Variants in DMBT1 observed in about 807,000 individuals in gnomAD.
The protein encoded by DMBT1 is deleted in malignant brain tumors 1, also known as scavenger receptor cysteine-rich domain-containing protein DMBT1.
DMBT1 carries 198 observed loss-of-function variants against 252.9 expected under a neutral mutation model. That is an observed-to-expected ratio of 0.78 (90% CI 0.70 to 0.88). The LOEUF (loss-of-function observed/expected upper bound fraction) is 0.88, where lower values mean the gene tolerates loss of function less well. DMBT1 is among the 40% of genes least tolerant of loss of function. The probability of loss-of-function intolerance (pLI) is 0.00; values close to 1 mark genes in which losing one functional copy is unlikely to be tolerated. For synonymous variants in DMBT1, 990 were observed against 942.7 expected (o/e 1.05, Z -0.92); for missense variants, 2,432 against 2,404.7 (o/e 1.01, Z -0.24).
At chr10:122,579,386 A>T (rs1489620456) in intron 9 of DMBT1, among the ~76,000 whole-genome samples, 192 bp from the exon 10 acceptor site, 1 of 152,154 alleles carries the variant, frequency 6.6e-6, no homozygotes, top group African/African-American at 2.4e-5. Flanking sequence ...AAAGTTGAGC[A>T]TCCATAGACC....
In DMBT1 at chr10:122,591,436, C is replaced by T. The variant is rs769760485; in HGVS notation, c.2138-43C>T. The T allele has an allele frequency of 4.5e-6, 7 of 1,562,338 alleles. No individual in the cohort carries two copies. The Admixed American group carries it at 6.7e-5, about 15-fold the overall frequency. ...GACCTTTCCTTTTGGAGCTTTTCTC[C>T]CTCAACTTTAATTCTAGCCTTTGTC... On this transcript the variant is annotated intron_variant, in intron 18 of 55. Transcript: ENST00000338354.
intron 46 of DMBT1, among the ~76,000 whole-genome samples, chr10:122,629,204 A>ATACATATC (rs1475381009): frequency 6.6e-6 from 1 of 152,192 alleles, no homozygotes; most frequent in East Asian, 1.9e-4. Flanking sequence ...ATGTTCATAT[A>ATACATATC]TACATATCTT....
At chr10:122,639,809 GA>G (rs1469284708) in intron 54 of DMBT1, among the ~76,000 whole-genome samples, 1 of 152,224 alleles carries the variant, frequency 6.6e-6, no homozygotes, top group African/African-American at 2.4e-5. Flanking sequence ...GGACAAGGTA[GA>G]ACCCCTTCCT....
intron 26 of DMBT1, 63 bp from the exon 27 acceptor site, chr10:122,600,001 C>G: frequency 6.3e-7 from 1 of 1,589,348 alleles, no homozygotes; most frequent in South Asian, 1.1e-5. Context: ...TTTCCCTCCT[C>G]GTTCCACTTT....
At chr10:122,638,446 T>C in intron 54 of DMBT1, among the ~76,000 whole-genome samples, 1 of 152,246 alleles carries the variant, frequency 6.6e-6, no homozygotes, top group East Asian at 1.9e-4. Flanking sequence ...TATTTTATTT[T>C]AATTTTTTAA....
At chr10:122,565,832 CG>C in intron 1 of DMBT1, 134 bp from the exon 2 acceptor site, 1 of 780,850 alleles carries the variant, frequency 1.3e-6, no homozygotes, top group Non-Finnish European at 2.2e-6. Flanking sequence ...GCAAGAACGT[CG>C]GGGACACACA....
At chr10:122,638,016 C>G (rs1446030803) in intron 54 of DMBT1, among the ~76,000 whole-genome samples, 1 of 152,198 alleles carries the variant, frequency 6.6e-6, no homozygotes, top group Non-Finnish European at 1.5e-5. Flanking sequence ...TGTGGTTTGC[C>G]TGGGACTTTG....
rs572813390 is a variant in DMBT1 at position 122,599,012 on chromosome 10, C to T, written c.3195C>T (p.His1065=). The T allele has an allele frequency of 1.6e-4, 251 of 1,613,750 alleles. No homozygotes were observed. The East Asian group carries it at 3.8e-3, about 25-fold the overall frequency. The change falls in exon 26 of 56, where the codon CAC becomes CAT. Residue 1065 remains histidine (H), a synonymous_variant. Transcript: ENST00000338354. ...IVLDDVRCSG[H]ESYLWSCPHN... is the part of the protein sequence containing the mutation. ...TGGATGATGTGCGCTGCTCAGGACA[C>T]GAGTCTTACCTGTGGAGCTGCCCCC...
intron 54 of DMBT1, 36 bp downstream of exon 54, chr10:122,637,348 A>G: frequency 6.4e-7 from 1 of 1,555,176 alleles, no homozygotes; most frequent in Non-Finnish European, 8.7e-7. Context: ...TTCCCAGTGC[A>G]CAAGCTTTCT....
At chr10:122,620,381 G>A (rs2133637102) in intron 43 of DMBT1, 90 bp downstream of exon 43, 2 of 1,494,402 alleles carry the variant, frequency 1.3e-6, no homozygotes, top group South Asian at 1.2e-5. Context: ...GCTCAAGCTG[G>A]CGCCTCTGTT....
At chr10:122,638,223 C>T (rs543225030) in intron 54 of DMBT1, among the ~76,000 whole-genome samples, 65 of 152,216 alleles carry the variant, frequency 4.3e-4, no homozygotes, top group Non-Finnish European at 8.1e-4. Context: ...CTGAAGGTGA[C>T]CATTGTTCCT....
intron 46 of DMBT1, among the ~76,000 whole-genome samples, chr10:122,626,691 C>A (rs2098121402): frequency 2.6e-5 from 4 of 152,176 alleles, no homozygotes; most frequent in Admixed American, 2.0e-4. Flanking sequence ...ATGTAAGAGA[C>A]AAACTGATCT....
intron 21 of DMBT1, 94 bp downstream of exon 21, chr10:122,593,692 G>T (rs1196502421): frequency 4.3e-6 from 6 of 1,399,722 alleles, no homozygotes; most frequent in Non-Finnish European, 5.9e-6. Context: ...TCTCTGTGTG[G>T]ATACTGTGGG....
intron 6 of DMBT1, among the ~76,000 whole-genome samples, chr10:122,575,782 C>T (rs2097706760): frequency 6.6e-6 from 1 of 152,140 alleles, no homozygotes; most frequent in Non-Finnish European, 1.5e-5. Context: ...TCCTTCATTG[C>T]CCATGTTCCT....
chr10:122,638,216 A>C (rs2133695477), intron 54 of DMBT1, among the ~76,000 whole-genome samples: 1 of 152,232 alleles, frequency 6.6e-6, no homozygotes, highest in African/African-American at 2.4e-5. Flanking sequence ...CAGTCCACTG[A>C]AGGTGACCAT....
At chr10:122,600,946 T>C (rs1401614680) in intron 27 of DMBT1, 45 bp from the exon 28 acceptor site, 2 of 701,304 alleles carry the variant, frequency 2.9e-6, no homozygotes, top group East Asian at 5.4e-5. Context: ...CTGCACCTTT[T>C]CCCTTCAAGT....
At chr10:122,629,239 G>A (rs577615123) in intron 46 of DMBT1, among the ~76,000 whole-genome samples, 42 of 152,268 alleles carry the variant, frequency 2.8e-4, no homozygotes, top group African/African-American at 9.6e-4. Flanking sequence ...TCAGACAGAT[G>A]AGGCAGATGC....
At chr10:122,599,402 GT>G (rs1400193814) in intron 26 of DMBT1, among the ~76,000 whole-genome samples, 7 of 152,202 alleles carry the variant, frequency 4.6e-5, no homozygotes, top group Admixed American at 4.6e-4. Flanking sequence ...GAGTAGCACG[GT>G]GTGAGGGTAT....
At chr10:122,631,990 T>G in intron 50 of DMBT1, 115 bp downstream of exon 50, 15 of 1,192,982 alleles carry the variant, frequency 1.3e-5, no homozygotes, top group Non-Finnish European at 1.7e-5. Context: ...TGTGGTACCA[T>G]CCTCTACAGC....
Sources: gnomAD v4.1 joint callset for allele counts (sites outside exome capture counted in the v4.1 genomes callset) on GRCh38, gnomAD v4.1.1 for gene constraint, MANE v1.5 for transcripts, NCBI Gene and HGNC (gene_info 2026-07-23, HGNC 2026-07-21) for gene names.